MYO9A: variants seen among roughly 807,000 people sequenced by gnomAD.
The protein encoded by MYO9A is unconventional myosin-IXa.
In MYO9A, 103 loss-of-function variants were observed where a neutral mutation model predicts 293.3. That is an observed-to-expected ratio of 0.35 (90% CI 0.30 to 0.41). The LOEUF (loss-of-function observed/expected upper bound fraction) is 0.41, where lower values mean the gene tolerates loss of function less well. Ranked by LOEUF, MYO9A falls within the 10% of genes least tolerant of loss-of-function variation. MYO9A has a pLI of 1.00. For synonymous variants in MYO9A, 1,001 were observed against 1,035.7 expected, an observed-to-expected ratio of 0.97 and a Z score of 0.64; for missense variants, 2,685 against 3,033.0, an observed-to-expected ratio of 0.89 and a Z score of 2.69.
At chr15:71,865,448 C>T (rs2056290909) in intron 32 of MYO9A, among the ~76,000 whole-genome samples, 1 of 152,056 alleles carries the variant, frequency 6.6e-6, no homozygotes, top group Non-Finnish European at 1.5e-5. Context: ...GTTATATATC[C>T]ATACAACAGA....
rs2057389533 is a variant in MYO9A, at chr15:71,898,293, A to C, written c.4210T>G (p.Cys1404Gly). The C allele has an allele frequency of 6.2e-7, 1 of 1,614,112 alleles. No individual in the cohort carries two copies. Among genetic ancestry groups the C allele is most frequent in the Non-Finnish European group, 8.5e-7 (1 of 1,180,032 alleles). ...AAGGAGTCTTTCAGCTGTGGTTTAC[A>C]GGTAATAGACTCAGAACTGCAGACC... ...MVVCSSESIT[C>G]KPQLKDSFIS... Residue 1404 changes from cysteine (C) to glycine (G), a missense_variant, in exon 25 of 42, where the codon TGT (cysteine) becomes GGT (glycine). Transcript: ENST00000356056.
intron 3 of MYO9A, among the ~76,000 whole-genome samples, chr15:72,031,025 T>C (rs2077851136): frequency 6.6e-6 from 1 of 152,124 alleles, no homozygotes; most frequent in Non-Finnish European, 1.5e-5. Flanking sequence ...TAGATTCTCA[T>C]AGGAATGTAA....
chr15:71,935,264 T>A, intron 17 of MYO9A, 77 bp downstream of exon 17: 1 of 1,411,038 alleles, frequency 7.1e-7, no homozygotes, highest in Non-Finnish European at 9.6e-7. Context: ...TCCTTCTTCA[T>A]TTTTTTCTGC....
rs578056100 is a variant in MYO9A, at chr15:72,055,331, A to G, written c.-71-8697T>C. Among the ~76,000 whole-genome samples, 136 of 152,328 alleles carry G rather than the reference A, an allele frequency of 8.9e-4. 2 individuals are homozygous for G. Among genetic ancestry groups the G allele is most frequent in the Admixed American group, 4.6e-4 (7 of 15,298 alleles). On this transcript the variant is annotated intron_variant, in intron 1 of 41. Coordinates refer to ENST00000356056, the MANE Select transcript of MYO9A (RefSeq NM_006901.4). ...CTCACCTTATACAAAAATCAACTCA[A>G]AATGGATCAAGGACTTAAATCTAAG...
chr15:71,826,091 T>C lies in MYO9A; in HGVS notation c.*489A>G, dbSNP rs2054487643. Reference sequence around the variant, plus strand: ...ATCTTAAAATAGAGGGATTAGGCTTTTTGTTTGTAAGTAAGTTTTTGGAAA... The same window carrying C: ...ATCTTAAAATAGAGGGATTAGGCTTCTTGTTTGTAAGTAAGTTTTTGGAAA... On this transcript the variant is annotated 3_prime_UTR_variant, in exon 42 of 42. Coordinates refer to ENST00000356056, the MANE Select transcript of MYO9A (RefSeq NM_006901.4). The C allele has an allele frequency of 6.6e-6, 1 of 151,400 alleles. No homozygotes were observed. The highest frequency in any genetic ancestry group is 1.5e-5 in the Non-Finnish European group (1 of 67,864). The allele number at this position is 151,400 out of a possible 1,614,324, so 9.4% of individuals were successfully genotyped here.
At chr15:71,968,207 A>G (rs980736294) in intron 12 of MYO9A, 82 bp from the exon 13 acceptor site, 9 of 1,162,982 alleles carry the variant, frequency 7.7e-6, no homozygotes, top group Non-Finnish European at 1.0e-5. Flanking sequence ...TTCAAAGTAC[A>G]TTACAATTAC....
intron 31 of MYO9A, among the ~76,000 whole-genome samples, chr15:71,876,147 G>T (rs1295567037): frequency 6.9e-6 from 1 of 145,594 alleles, no homozygotes; most frequent in Non-Finnish European, 1.5e-5. Context: ...ATCATTAATT[G>T]ATTTTTTTTT....
chr15:72,058,737 G>A (rs1157267010), intron 1 of MYO9A, among the ~76,000 whole-genome samples: 1 of 152,174 alleles, frequency 6.6e-6, no homozygotes, highest in African/African-American at 2.4e-5. Context: ...TGGTTTAGCA[G>A]GGTGTGGTTC....
chr15:71,950,444 A>G (rs1198415799), intron 15 of MYO9A: 1 of 152,242 alleles, frequency 6.6e-6, no homozygotes, highest in Non-Finnish European at 1.5e-5. Context: ...TTTAAGAGTT[A>G]ATAGAAATTA....
intron 9 of MYO9A, among the ~76,000 whole-genome samples, chr15:71,997,256 C>A (rs895261036): frequency 1.3e-5 from 2 of 152,008 alleles, no homozygotes; most frequent in Non-Finnish European, 2.9e-5. Context: ...CCATAGTACC[C>A]CTAATGCTTT....
chr15:71,878,013 T>C (rs550315640), intron 31 of MYO9A, 27 bp downstream of exon 31: 6 of 1,534,976 alleles, frequency 3.9e-6, no homozygotes, highest in Non-Finnish European at 5.3e-6. Flanking sequence ...TTAAATCCTT[T>C]AAGTAATCAA....
In MYO9A at chr15:72,003,374, AGAGT is replaced by A. The variant is rs2076927002; in HGVS notation, c.1381-3438_1381-3435del. 9.2e-5 allele frequency among the ~76,000 whole-genome samples: 14 copies of A among 152,132 alleles called. 1 individual carries two copies. In the South Asian group the frequency reaches 2.9e-3, roughly 32 times the overall value. ...CTAATACCATAGAGAAAAATTTTAA[AGAGT>A]GAAATTAACAGACTATTTACAAAGA... On this transcript the variant is annotated intron_variant, in intron 8 of 41. Transcript: ENST00000356056.
At position 71,898,560 on chromosome 15, in the gene MYO9A, G is replaced by A. The variant is rs150066299; in HGVS notation, c.3943C>T (p.Leu1315Phe). 1.2e-6 allele frequency: 2 copies of A among 1,614,022 alleles called. No homozygotes were observed. Among genetic ancestry groups the A allele is most frequent in the Non-Finnish European group, 1.7e-6 (2 of 1,180,028 alleles). Reference protein sequence around the residue: ...RWSTELVPEGLQSPRGTPDSE... With the variant: ...RWSTELVPEGFQSPRGTPDSE... The stretch of plus-strand genomic sequence containing the variant: ...TCAGGTGTACCCCGTGGAGACTGAA[G>A]GCCTTCAGGCACCAATTCTGTAGAC... Residue 1315 changes from leucine to phenylalanine, a missense_variant, in exon 25 of 42, where the codon CTT (leucine) becomes TTT (phenylalanine). This residue lies in a region of MYO9A where 1,434 missense variants were observed against 1,497.7 expected (regional missense o/e 0.96). Coordinates refer to ENST00000356056, the MANE Select transcript of MYO9A (RefSeq NM_006901.4).
chr15:72,038,987 A>G (rs1186091124), intron 2 of MYO9A, among the ~76,000 whole-genome samples: 10 of 152,226 alleles, frequency 6.6e-5, no homozygotes, highest in South Asian at 4.1e-4. Context: ...AAGTAGATAT[A>G]TATCTATATA....
At chr15:71,949,792 C>T (rs1647013349) in intron 15 of MYO9A, among the ~76,000 whole-genome samples, 2 of 151,758 alleles carry the variant, frequency 1.3e-5, no homozygotes, top group Admixed American at 1.3e-4. Flanking sequence ...CAGGATTTTC[C>T]TCCTAAACCC....
intron 1 of MYO9A, among the ~76,000 whole-genome samples, chr15:72,081,746 ATCT>A (rs1257221094): frequency 6.6e-6 from 1 of 152,126 alleles, no homozygotes; most frequent in Non-Finnish European, 1.5e-5. Flanking sequence ...CATCGTTTCA[ATCT>A]TCTTCATACA....
intron 26 of MYO9A, among the ~76,000 whole-genome samples, chr15:71,888,806 C>A (rs887014198): frequency 6.6e-5 from 10 of 152,230 alleles, no homozygotes; most frequent in African/African-American, 2.4e-4. Flanking sequence ...AATATTCTTT[C>A]TTTAGCCTTT....
At chr15:72,076,214 A>G (rs1270295876) in intron 1 of MYO9A, among the ~76,000 whole-genome samples, 3 of 151,818 alleles carry the variant, frequency 2.0e-5, no homozygotes, top group South Asian at 2.1e-4. Flanking sequence ...TTGAGGCAGG[A>G]GAATCGCTTA....
chr15:72,100,863 G>A (rs1239196693), intron 1 of MYO9A, among the ~76,000 whole-genome samples: 2 of 150,472 alleles, frequency 1.3e-5, no homozygotes, highest in African/African-American at 4.9e-5. Context: ...CCGTCCGGGA[G>A]GGAGGTGGGG....
Sources: allele counts gnomAD v4.1 joint callset (sites outside exome capture counted in the v4.1 genomes callset), GRCh38; gene constraint gnomAD v4.1.1; regional missense constraint gnomAD v4.1.1; transcripts MANE v1.5; gene names NCBI Gene and HGNC (gene_info 2026-07-23, HGNC 2026-07-21).